Variants in NCOA3 observed in about 807,000 individuals in gnomAD.
NCOA3 encodes nuclear receptor coactivator 3, also known as CBP-interacting protein.
Under a neutral mutation model 158.8 loss-of-function variants are expected in NCOA3, and 51 were observed. That is an observed-to-expected ratio of 0.32 (90% confidence interval 0.26 to 0.41). The LOEUF (loss-of-function observed/expected upper bound fraction) is 0.41. NCOA3 is among the 10% of genes least tolerant of loss of function. The probability of loss-of-function intolerance (pLI) is 1.00; values close to 1 mark genes in which losing one functional copy is unlikely to be tolerated. For synonymous variants in NCOA3, 537 were observed against 592.4 expected, an observed-to-expected ratio of 0.91 and a Z score of 1.36; for missense variants, 1,510 against 1,746.6, an observed-to-expected ratio of 0.86 and a Z score of 2.41.
chr20:47,623,769 C>G (rs1568733865), intron 3 of NCOA3, 142 bp from the exon 4 acceptor site: 1 of 729,670 alleles, frequency 1.4e-6, no homozygotes, highest in African/African-American at 1.9e-5. Context: ...GCCTGGGCAA[C>G]AAGAGCGAAA....
intron 13 of NCOA3, among the ~76,000 whole-genome samples, chr20:47,638,094 C>T (rs2086545770): frequency 6.6e-6 from 1 of 151,984 alleles, no homozygotes; most frequent in Non-Finnish European, 1.5e-5. Flanking sequence ...TTTTCTTAGC[C>T]ACAGAGAACT....
intron 2 of NCOA3, among the ~76,000 whole-genome samples, chr20:47,595,884 CAGG>C (rs2146250047): frequency 6.6e-6 from 1 of 152,150 alleles, no homozygotes; most frequent in African/African-American, 2.4e-5. Context: ...ATAGGGCTGT[CAGG>C]AGGATTAAAT....
At chr20:47,617,916 C>A (rs992845762) in intron 2 of NCOA3, among the ~76,000 whole-genome samples, 4 of 152,178 alleles carry the variant, frequency 2.6e-5, no homozygotes, top group Non-Finnish European at 4.4e-5. Flanking sequence ...TTAAGAACTA[C>A]AAATCTGTCC....
At chr20:47,519,163 G>A (rs2084285235) in intron 1 of NCOA3, among the ~76,000 whole-genome samples, 1 of 148,308 alleles carries the variant, frequency 6.7e-6, no homozygotes, top group South Asian at 2.1e-4. Context: ...AGCCAGGCAC[G>A]GTGGGTCACG....
At position 47,641,362 on chromosome 20, in the gene NCOA3, C is replaced by G. The variant is rs139741962; in HGVS notation, c.3081-851C>G. 3.9e-3 allele frequency among the ~76,000 whole-genome samples: 534 copies of G among 137,262 alleles called. 28 individuals carry two copies. In the East Asian group the frequency reaches 0.089, roughly 23 times the overall value. 90.0% of individuals were successfully genotyped at this position (137,262 alleles called of 152,430 possible). The stretch of plus-strand genomic sequence containing the variant: ...TTTTTTTTTGAGACGGAATCTGGCT[C>G]TGTCGCCCAGGCTGGAGTGCAGTGG... On this transcript the variant is annotated intron_variant, in intron 16 of 22. Transcript: ENST00000371998.
chr20:47,612,086 C>A (rs978818808), intron 2 of NCOA3, among the ~76,000 whole-genome samples: 1 of 152,152 alleles, frequency 6.6e-6, no homozygotes, highest in Non-Finnish European at 1.5e-5. Flanking sequence ...CTTGGCCTCC[C>A]AAAGTGTTGA....
chr20:47,603,292 C>T (rs1296827957), intron 2 of NCOA3, among the ~76,000 whole-genome samples: 1 of 152,182 alleles, frequency 6.6e-6, no homozygotes, highest in Admixed American at 6.5e-5. Context: ...GTTCCCTGAC[C>T]CCCCTCACAG....
rs930389147 is a variant in NCOA3, at chr20:47,653,610, T to C, written c.*193T>C. The C allele has an allele frequency of 3.0e-6, 2 of 671,498 alleles. No individual in the cohort carries two copies. Among genetic ancestry groups the C allele is most frequent in the Non-Finnish European group, 2.6e-6 (1 of 387,018 alleles). 41.6% of individuals were successfully genotyped at this position (671,498 alleles called of 1,614,324 possible). ...GCCGAAGGGCAATATCTACGTGTTT[T>C]TCCCCCCTCCTTCTGCTGTGTATCA... On this transcript the variant is annotated 3_prime_UTR_variant, in exon 23 of 23. Coordinates refer to ENST00000371998, the MANE Select transcript of NCOA3 (RefSeq NM_181659.3).
At chr20:47,505,043 TTTTTTTTTTTTCTTTTCTTTC>T (rs2084009357) in intron 1 of NCOA3, among the ~76,000 whole-genome samples, 1 of 50,014 alleles carries the variant, frequency 2.0e-5, no homozygotes, top group Non-Finnish European at 3.4e-5. Context: ...GGCAGGGGCG[TTTTTTTTTTTTCTTTTCTTTC>T]TTTTTTTTTT....
chr20:47,623,523 C>T (rs1398080922), intron 3 of NCOA3, among the ~76,000 whole-genome samples: 1 of 152,204 alleles, frequency 6.6e-6, no homozygotes. Context: ...TGTGGTGGCT[C>T]ATGCCTGTAA....
chr20:47,504,585 A>G (rs2083996020), intron 1 of NCOA3, among the ~76,000 whole-genome samples: 3 of 149,458 alleles, frequency 2.0e-5, no homozygotes, highest in African/African-American at 7.4e-5. Flanking sequence ...CTGGTGGATC[A>G]CGAGGTCAGG....
chr20:47,640,506 T>G (rs534258655), intron 16 of NCOA3, among the ~76,000 whole-genome samples: 12 of 152,364 alleles, frequency 7.9e-5, no homozygotes, highest in African/African-American at 2.9e-4. Flanking sequence ...AAGGATTGGC[T>G]AATTGTTTTC....
chr20:47,509,834 T>A (rs1381722356), intron 1 of NCOA3, among the ~76,000 whole-genome samples: 2 of 152,244 alleles, frequency 1.3e-5, no homozygotes, highest in Non-Finnish European at 2.9e-5. Flanking sequence ...TACTACACAC[T>A]CTGTGTTCCA....
In NCOA3 at chr20:47,639,800, G is replaced by T. The variant is rs1230487205; in HGVS notation, c.2931G>T (p.Gln977His). 3.1e-6 allele frequency: 5 copies of T among 1,613,984 alleles called. No individual in the cohort carries two copies. Among genetic ancestry groups the T allele is most frequent in the Non-Finnish European group, 4.2e-6 (5 of 1,179,966 alleles). ...CAGGTGCGAGACCAGTATTGCAACA[G>T]CAGCAGCAGATGCTTCAAATGAGTA... is the stretch of plus-strand genomic sequence containing the variant. Reference protein sequence around the residue: ...SIPGARPVLQQQQQMLQMRPG... With the variant: ...SIPGARPVLQHQQQMLQMRPG... The change falls in exon 15 of 23, where the codon CAG becomes CAT. Residue 977 changes from glutamine to histidine, a missense_variant. By Grantham distance (24) the Gln-to-His change is conservative (BLOSUM62 0). This residue lies in a region of NCOA3 where 1,017 missense variants were observed against 1,098.3 expected (regional missense o/e 0.93). Transcript: ENST00000371998.
chr20:47,578,523 A>G (rs1461946545), intron 1 of NCOA3, among the ~76,000 whole-genome samples: 1 of 152,200 alleles, frequency 6.6e-6, no homozygotes, highest in Non-Finnish European at 1.5e-5. Flanking sequence ...ATGATTTTCA[A>G]CTTGCATTTG....
intron 2 of NCOA3, among the ~76,000 whole-genome samples, chr20:47,606,232 G>A (rs2085945430): frequency 6.6e-6 from 1 of 152,146 alleles, no homozygotes; most frequent in African/African-American, 2.4e-5. Flanking sequence ...CTAATATAGT[G>A]GCTCTCAACG....
intron 1 of NCOA3, among the ~76,000 whole-genome samples, chr20:47,571,335 T>TG (rs2085291871): frequency 6.6e-6 from 1 of 150,676 alleles, no homozygotes; most frequent in Non-Finnish European, 1.5e-5. Flanking sequence ...TTTTTTTTTT[T>TG]GAGACAGATT....
At chr20:47,577,664 T>C (rs2085392701) in intron 1 of NCOA3, among the ~76,000 whole-genome samples, 1 of 152,246 alleles carries the variant, frequency 6.6e-6, no homozygotes. Context: ...TGTGATTTGC[T>C]TATTTCCAAG....
At chr20:47,550,718 A>G (rs551988436) in intron 1 of NCOA3, among the ~76,000 whole-genome samples, 2 of 152,314 alleles carry the variant, frequency 1.3e-5, no homozygotes, top group Admixed American at 6.5e-5. Flanking sequence ...TCGCTTTCAC[A>G]TAACTCCTTC....
Sources: allele counts gnomAD v4.1 joint callset (sites outside exome capture counted in the v4.1 genomes callset), GRCh38; gene constraint gnomAD v4.1.1; regional missense constraint gnomAD v4.1.1; transcripts MANE v1.5; gene names NCBI Gene and HGNC (gene_info 2026-07-23, HGNC 2026-07-21).